The following KCNMA1 variants were observed in gnomAD, a reference collection of about 807,000 sequenced individuals.
KCNMA1 encodes Calcium-activated potassium channel subunit alpha-1.
KCNMA1 carries 29 observed loss-of-function variants against 140.0 expected under a neutral mutation model. The observed-to-expected ratio is 0.21, with a 90% CI of 0.15 to 0.28. The LOEUF is 0.28. KCNMA1 is among the 10% of genes least tolerant of loss of function. The pLI is 1.00. For synonymous variants in KCNMA1, 612 were observed against 611.9 expected, an observed-to-expected ratio of 1.00 and a Z score of 0.00; for missense variants, 880 against 1,602.2, an observed-to-expected ratio of 0.55 and a Z score of 7.70.
At chr10:77,314,016 A>T (rs968005887) in intron 2 of KCNMA1, 7 of 152,224 alleles carry the variant, frequency 4.6e-5, no homozygotes, top group Admixed American at 3.3e-4. Flanking sequence ...TGAGAATGGA[A>T]TGAAATGAAG....
At chr10:77,186,576 C>T (rs1417508066) in intron 3 of KCNMA1, among the ~76,000 whole-genome samples, 1 of 152,044 alleles carries the variant, frequency 6.6e-6, no homozygotes, top group Admixed American at 6.6e-5. Flanking sequence ...TACAGTGAAT[C>T]GGTGATACTT....
intron 1 of KCNMA1, among the ~76,000 whole-genome samples, chr10:77,506,596 A>AGAGAGAGTGTGAGTGTGT: frequency 1.2e-5 from 1 of 83,532 alleles, no homozygotes; most frequent in East Asian, 4.5e-4. Context: ...AGAGAGAGAG[A>AGAGAGAGTGTGAGTGTGT]GTGTGTGTGT....
rs1462333282 is a variant in KCNMA1, at chr10:76,951,452, C to G, written c.2485-2086G>C. On this transcript the variant is annotated intron_variant, in intron 21 of 27. Transcript: ENST00000286628. ...CACTTAAACACACCCTAGTCCTTCTCCCCTACATTTCAATAGCATTTTGCA... is the reference window on the plus strand; with the variant it reads ...CACTTAAACACACCCTAGTCCTTCTGCCCTACATTTCAATAGCATTTTGCA... Among the ~76,000 whole-genome samples, 3 of 152,306 alleles carry G rather than the reference C, an allele frequency of 2.0e-5. No homozygotes were observed. The East Asian group carries it at 5.8e-4, about 29-fold the overall frequency.
At chr10:77,082,847 G>A (rs1392943099) in intron 12 of KCNMA1, among the ~76,000 whole-genome samples, 2 of 152,198 alleles carry the variant, frequency 1.3e-5, no homozygotes, top group African/African-American at 2.4e-5. Flanking sequence ...TGAGTGGCAA[G>A]AGAAGATGGT....
At chr10:76,996,711 C>T (rs2054498389) in intron 19 of KCNMA1, among the ~76,000 whole-genome samples, 1 of 152,136 alleles carries the variant, frequency 6.6e-6, no homozygotes, top group Non-Finnish European at 1.5e-5. Flanking sequence ...ACATGAAAAA[C>T]TATGATCACA....
rs2094054356 is a variant in KCNMA1 at position 77,362,495 on chromosome 10, T to G, written c.540+41367A>C. Among the ~76,000 whole-genome samples the G allele has an allele frequency of 2.0e-5, 3 of 152,036 alleles. No individual in the cohort carries two copies. In the South Asian group the frequency reaches 6.2e-4, roughly 32 times the overall value. ...CTTTGGGTGCTTTATGTAACCCCTC[T>G]GAGCCTCAACTGCTCCATCCATAAA... On this transcript the variant is annotated intron_variant, in intron 2 of 27. Coordinates refer to ENST00000286628, the MANE Select transcript of KCNMA1 (RefSeq NM_001161352.2).
At chr10:77,445,412 A>G (rs946959407) in intron 1 of KCNMA1, among the ~76,000 whole-genome samples, 24 of 152,022 alleles carry the variant, frequency 1.6e-4, no homozygotes, top group Non-Finnish European at 2.6e-4. Context: ...AAAATAAAAA[A>G]AATCTTGCAA....
intron 20 of KCNMA1, among the ~76,000 whole-genome samples, chr10:76,958,888 AC>A (rs1306780181): frequency 6.6e-6 from 1 of 152,096 alleles, no homozygotes; most frequent in African/African-American, 2.4e-5. Flanking sequence ...ACAATAGCCC[AC>A]CTTGAAGAAA....
At chr10:77,579,326 C>G (rs1321619128) in intron 1 of KCNMA1, among the ~76,000 whole-genome samples, 1 of 152,134 alleles carries the variant, frequency 6.6e-6, no homozygotes, top group Non-Finnish European at 1.5e-5. Context: ...TGCGAAGAAG[C>G]CTGAATTTTA....
At chr10:76,948,981 G>C (rs2065264486) in intron 22 of KCNMA1, 161 bp downstream of exon 22, 1 of 742,520 alleles carries the variant, frequency 1.3e-6, no homozygotes, top group African/African-American at 1.7e-5. Flanking sequence ...CCAGGGTTTG[G>C]ATTTTCCTTG....
rs1326614523 is a variant in KCNMA1, at chr10:76,884,961, G to C, written c.*2305C>G. On this transcript the variant is annotated 3_prime_UTR_variant, in exon 28 of 28. Transcript: ENST00000286628. Reference sequence around the variant, plus strand: ...AGAAGAAAACCCCCAGCAGTGGCTAGGTCATGCAGAACCATTAATTGTCAT... The same window carrying C: ...AGAAGAAAACCCCCAGCAGTGGCTACGTCATGCAGAACCATTAATTGTCAT... 2 of 1,544,012 alleles carry C rather than the reference G, an allele frequency of 1.3e-6. No individual in the cohort carries two copies. Among genetic ancestry groups the C allele is most frequent in the East Asian group, 4.9e-5 (2 of 40,476 alleles).
intron 19 of KCNMA1, among the ~76,000 whole-genome samples, chr10:76,991,362 G>C (rs564140495): frequency 1.3e-5 from 2 of 152,196 alleles, no homozygotes; most frequent in Non-Finnish European, 2.9e-5. Flanking sequence ...TTTGTTTCCA[G>C]ATCTTCTTTC....
At chr10:77,025,273 T>TATAC (rs1594025787) in intron 16 of KCNMA1, among the ~76,000 whole-genome samples, 2 of 123,664 alleles carry the variant, frequency 1.6e-5, no homozygotes, top group South Asian at 5.0e-4. Context: ...TATATATATA[T>TATAC]ATATATATAC....
intron 1 of KCNMA1, among the ~76,000 whole-genome samples, chr10:77,532,678 G>A (rs2057955642): frequency 6.6e-6 from 1 of 152,158 alleles, no homozygotes; most frequent in Admixed American, 6.5e-5. Context: ...TGGGGGAAGA[G>A]GGTGGTAATT....
chr10:77,325,012 T>TGTGC (rs3068790), intron 2 of KCNMA1, among the ~76,000 whole-genome samples: 1 of 142,516 alleles, frequency 7.0e-6, no homozygotes, highest in Admixed American at 7.0e-5. Flanking sequence ...TGTGTGTGTG[T>TGTGC]CAGAGAAAGA....
chr10:77,101,133 T>A (rs1053929646), intron 9 of KCNMA1, among the ~76,000 whole-genome samples: 8 of 151,938 alleles, frequency 5.3e-5, no homozygotes, highest in African/African-American at 1.9e-4. Flanking sequence ...CTTAGAGGAA[T>A]CCAAAACAGA....
intron 1 of KCNMA1, among the ~76,000 whole-genome samples, chr10:77,412,990 T>G (rs2096652375): frequency 6.6e-6 from 1 of 152,116 alleles, no homozygotes; most frequent in South Asian, 2.1e-4. Flanking sequence ...CCCTAGTAGC[T>G]GGGATTACAG....
intron 1 of KCNMA1, among the ~76,000 whole-genome samples, chr10:77,468,978 T>G (rs983219900): frequency 6.6e-6 from 1 of 152,112 alleles, no homozygotes; most frequent in Admixed American, 6.5e-5. Context: ...CAGAGAACAG[T>G]AAATTCTGCA....
At chr10:77,608,807 G>T (rs1408851826) in intron 1 of KCNMA1, among the ~76,000 whole-genome samples, 1 of 152,100 alleles carries the variant, frequency 6.6e-6, no homozygotes, top group African/African-American at 2.4e-5. Context: ...TCCAAGGAAG[G>T]CATACAAATG....
Sources: allele counts gnomAD v4.1 joint callset (sites outside exome capture counted in the v4.1 genomes callset), GRCh38; gene constraint gnomAD v4.1.1; transcripts MANE v1.5; gene names NCBI Gene and HGNC (gene_info 2026-07-23, HGNC 2026-07-21).